ADGRB3: variants seen among roughly 807,000 people sequenced by gnomAD.
The protein encoded by ADGRB3 is brain-specific angiogenesis inhibitor 3.
ADGRB3 carries 37 observed loss-of-function variants against 193.4 expected under a neutral mutation model. The ratio of observed to expected loss-of-function variants is 0.19; its 90% CI spans 0.15 to 0.25. The LOEUF (loss-of-function observed/expected upper bound fraction) is 0.25, where lower values mean the gene tolerates loss of function less well. ADGRB3 is among the 10% of genes least tolerant of loss of function. ADGRB3 has a pLI of 1.00. For synonymous variants in ADGRB3, 690 were observed against 644.2 expected (o/e 1.07, Z -1.08); for missense variants, 1,637 against 1,852.9 (o/e 0.88, Z 2.14).
rs549186789 is a variant in ADGRB3 at position 68,974,156 on chromosome 6, C to A, written c.1526-607C>A. On this transcript the variant is annotated intron_variant, in intron 8 of 31. Coordinates refer to ENST00000370598, the MANE Select transcript of ADGRB3 (RefSeq NM_001704.3). ...TGGAAGTCACTTTTTTGTATAACATCCTAAAATATTATAAATATTTTTATT... is the reference window on the plus strand; with the variant it reads ...TGGAAGTCACTTTTTTGTATAACATACTAAAATATTATAAATATTTTTATT... 8.5e-4 allele frequency among the ~76,000 whole-genome samples: 129 copies of A among 151,942 alleles called. 2 individuals carry two copies. The highest frequency in any genetic ancestry group is 6.8e-3 in the Middle Eastern group (2 of 294).
At chr6:68,725,378 G>C (rs942180592) in intron 3 of ADGRB3, among the ~76,000 whole-genome samples, 3 of 151,664 alleles carry the variant, frequency 2.0e-5, no homozygotes, top group African/African-American at 7.3e-5. Flanking sequence ...AAATTGGTTT[G>C]ATAGAAGAAA....
intron 3 of ADGRB3, among the ~76,000 whole-genome samples, chr6:68,807,935 AT>A (rs527752557): frequency 1.3e-5 from 2 of 152,068 alleles, no homozygotes; most frequent in South Asian, 4.2e-4. Context: ...TCCTAACTTA[AT>A]TTTTTTCCCA....
intron 26 of ADGRB3, among the ~76,000 whole-genome samples, chr6:69,345,287 T>C (rs1033263955): frequency 1.3e-5 from 2 of 152,114 alleles, no homozygotes; most frequent in Non-Finnish European, 2.9e-5. Context: ...TTCTAGCATT[T>C]TGAGCTTGCT....
chr6:68,988,198 C>G (rs1033148056), intron 10 of ADGRB3, among the ~76,000 whole-genome samples: 2 of 151,976 alleles, frequency 1.3e-5, no homozygotes, highest in African/African-American at 4.8e-5. Context: ...AGTTTATGGT[C>G]TAGTGGAATG....
chr6:68,970,466 G>A lies in ADGRB3; in HGVS notation c.1526-4297G>A, dbSNP rs368855211. 4.6e-5 allele frequency among the ~76,000 whole-genome samples: 7 copies of A among 151,946 alleles called. No homozygotes were observed. The East Asian group carries it at 5.8e-4, about 13-fold the overall frequency. ...CCTGTAGCAGGGACTACAGGTGCACGCCACCACACCCAGCTAATTGTTGTA... is the reference window on the plus strand; with the variant it reads ...CCTGTAGCAGGGACTACAGGTGCACACCACCACACCCAGCTAATTGTTGTA... On this transcript the variant is annotated intron_variant, in intron 8 of 31. Transcript: ENST00000370598.
chr6:68,935,223 G>A (rs1767454826), intron 4 of ADGRB3, among the ~76,000 whole-genome samples: 1 of 152,134 alleles, frequency 6.6e-6, no homozygotes, highest in African/African-American at 2.4e-5. Flanking sequence ...TCAAGCACAG[G>A]TTTTATTTAA....
intron 3 of ADGRB3, among the ~76,000 whole-genome samples, chr6:68,787,887 A>C (rs1233027954): frequency 6.6e-6 from 1 of 151,770 alleles, no homozygotes; most frequent in Non-Finnish European, 1.5e-5. Context: ...TCTTGGGAGG[A>C]TATATGTGTG....
chr6:68,789,667 T>C (rs1392431301), intron 3 of ADGRB3, among the ~76,000 whole-genome samples: 1 of 152,222 alleles, frequency 6.6e-6, no homozygotes, highest in African/African-American at 2.4e-5. Context: ...CTTTGTGGCA[T>C]TCTCTGTATT....
chr6:68,748,827 CTT>C (rs1404247844), intron 3 of ADGRB3, among the ~76,000 whole-genome samples: 2 of 152,198 alleles, frequency 1.3e-5, no homozygotes, highest in Admixed American at 6.5e-5. Context: ...CTGCAACAAA[CTT>C]TTCCCTGGGC....
intron 3 of ADGRB3, among the ~76,000 whole-genome samples, chr6:68,803,997 A>T (rs1767358612): frequency 6.6e-6 from 1 of 152,198 alleles, no homozygotes; most frequent in Non-Finnish European, 1.5e-5. Context: ...GATATGGATC[A>T]TCCAGTACCT....
intron 20 of ADGRB3, among the ~76,000 whole-genome samples, chr6:69,301,157 G>A (rs1767941904): frequency 6.6e-6 from 1 of 151,514 alleles, no homozygotes; most frequent in Non-Finnish European, 1.5e-5. Context: ...GAAAAAGTTA[G>A]TTTTGTCATG....
intron 3 of ADGRB3, among the ~76,000 whole-genome samples, chr6:68,840,369 CTTTTTTTTTTTTTTTTTTTTT>C (rs752625602): frequency 3.3e-4 from 23 of 69,426 alleles, no homozygotes; most frequent in African/African-American, 4.5e-4. Context: ...ACTGGGCAGT[CTTTTTTTTTTTTTTTTTTTTT>C]TTTTTTTTTT....
At chr6:69,292,188 G>A (rs181898218) in intron 20 of ADGRB3, among the ~76,000 whole-genome samples, 12 of 152,224 alleles carry the variant, frequency 7.9e-5, no homozygotes, top group Non-Finnish European at 1.0e-4. Context: ...ACATCTGTAT[G>A]CTTTTCTCTT....
At chr6:68,910,579 T>A (rs1168767519) in intron 3 of ADGRB3, among the ~76,000 whole-genome samples, 1 of 152,224 alleles carries the variant, frequency 6.6e-6, no homozygotes, top group African/African-American at 2.4e-5. Flanking sequence ...AATTAATTTT[T>A]GTATAAGGTG....
intron 20 of ADGRB3, among the ~76,000 whole-genome samples, chr6:69,264,050 A>G (rs1766982882): frequency 6.6e-6 from 1 of 151,844 alleles, no homozygotes; most frequent in Non-Finnish European, 1.5e-5. Flanking sequence ...GACAGAAATG[A>G]CTCATCCATA....
Position 69,170,690 on chromosome 6 carries a change from G to T in ADGRB3, c.2481-62600G>T, listed in dbSNP as rs1425461343. On this transcript the variant is annotated intron_variant, in intron 17 of 31. Coordinates refer to ENST00000370598, the MANE Select transcript of ADGRB3 (RefSeq NM_001704.3). ...GCCGTAAAACTGCACAGGTAAAGTCGTATGGTATTGGAGAAGAGGAAGATA... is the reference window on the plus strand; with the variant it reads ...GCCGTAAAACTGCACAGGTAAAGTCTTATGGTATTGGAGAAGAGGAAGATA... 2.0e-5 allele frequency among the ~76,000 whole-genome samples: 3 copies of T among 152,190 alleles called. No individual in the cohort carries two copies. In the South Asian group the frequency reaches 6.2e-4, roughly 31 times the overall value.
In ADGRB3 at chr6:69,111,906, A is replaced by G. The variant is rs979718713; in HGVS notation, c.2480+35868A>G. Among the ~76,000 whole-genome samples, 3 of 152,192 alleles carry G rather than the reference A, an allele frequency of 2.0e-5. No individual in the cohort carries two copies. The East Asian group carries it at 5.8e-4, about 29-fold the overall frequency. The stretch of plus-strand genomic sequence containing the variant: ...TTGCATATTGGGTATCTGTTGGGGT[A>G]TAGGTCATTTTGAGTTGTTGTGGGA... On this transcript the variant is annotated intron_variant, in intron 17 of 31. Coordinates refer to ENST00000370598, the MANE Select transcript of ADGRB3 (RefSeq NM_001704.3).
chr6:69,218,912 C>T (rs1765830072), intron 17 of ADGRB3, among the ~76,000 whole-genome samples: 1 of 152,056 alleles, frequency 6.6e-6, no homozygotes, highest in Admixed American at 6.6e-5. Flanking sequence ...GTCAGTATTT[C>T]TCTCATTTGT....
At chr6:69,115,930 G>C (rs1773518640) in intron 17 of ADGRB3, among the ~76,000 whole-genome samples, 1 of 152,194 alleles carries the variant, frequency 6.6e-6, no homozygotes, top group African/African-American at 2.4e-5. Flanking sequence ...TAGAGAGAGA[G>C]GGAAAGACAA....
Sources: gnomAD v4.1 joint callset for allele counts (sites outside exome capture counted in the v4.1 genomes callset) on GRCh38, gnomAD v4.1.1 for gene constraint, MANE v1.5 for transcripts, NCBI Gene and HGNC (gene_info 2026-07-23, HGNC 2026-07-21) for gene names.